Variants in FTCDNL1 observed in about 807,000 individuals in gnomAD.
FTCDNL1 encodes formiminotransferase N-terminal subdomain-containing protein.
In FTCDNL1, 11 loss-of-function variants were observed where a neutral mutation model predicts 5.9. The ratio of observed to expected loss-of-function variants is 1.87; its 90% confidence interval spans 1.18 to 3.10. FTCDNL1 has a LOEUF of 3.10. Ranked by LOEUF, FTCDNL1 falls within the 30% of genes most tolerant of loss-of-function variation. The pLI, the probability that FTCDNL1 is intolerant of heterozygous loss-of-function variation, is 0.00. For missense variants in FTCDNL1, 115 were observed against 65.5 expected, an observed-to-expected ratio of 1.76 and a Z score of -2.61; for synonymous variants, 58 against 24.8, an observed-to-expected ratio of 2.34 and a Z score of -3.99.
the FTCDNL1 span, among the ~76,000 whole-genome samples, chr2:199,753,987 G>A: frequency 5.9e-5 from 9 of 152,210 alleles, no homozygotes; most frequent in South Asian, 1.4e-3. Flanking sequence ...TTTCCTTGGA[G>A]ATATTGCCCC....
chr2:199,677,990 A>G, the FTCDNL1 span, among the ~76,000 whole-genome samples: 7 of 152,338 alleles, frequency 4.6e-5, no homozygotes, highest in East Asian at 1.2e-3. Context: ...GGGCTGCTTA[A>G]ATGAATCCTA....
the FTCDNL1 span, among the ~76,000 whole-genome samples, chr2:199,709,176 T>C: frequency 6.6e-6 from 1 of 152,146 alleles, no homozygotes; most frequent in Non-Finnish European, 1.5e-5. Context: ...AATTTATGCA[T>C]GTTACTCCAT....
the FTCDNL1 span, among the ~76,000 whole-genome samples, chr2:199,708,192 A>G: frequency 6.6e-6 from 1 of 151,856 alleles, no homozygotes; most frequent in Non-Finnish European, 1.5e-5. Context: ...TTTATTCTAC[A>G]TTGTCTAATC....
At chr2:199,733,678 C>T in the FTCDNL1 span, among the ~76,000 whole-genome samples, 2 of 152,188 alleles carry the variant, frequency 1.3e-5, no homozygotes, top group African/African-American at 2.4e-5. Flanking sequence ...CAGGCAAGTT[C>T]TTCCTGCTCC....
chr2:199,713,793 T>G, the FTCDNL1 span, among the ~76,000 whole-genome samples: 1 of 152,344 alleles, frequency 6.6e-6, no homozygotes, highest in Non-Finnish European at 1.5e-5. Flanking sequence ...CTGAACAATA[T>G]GCCTTTCTTC....
At chr2:199,801,305 C>T (rs1483683522) in intron 3 of FTCDNL1, among the ~76,000 whole-genome samples, 1 of 152,110 alleles carries the variant, frequency 6.6e-6, no homozygotes, top group Non-Finnish European at 1.5e-5. Context: ...TGTCCAGAGC[C>T]ACTCCCAGAA....
At chr2:199,720,469 T>C in the FTCDNL1 span, among the ~76,000 whole-genome samples, 1 of 152,170 alleles carries the variant, frequency 6.6e-6, no homozygotes, top group Non-Finnish European at 1.5e-5. Context: ...ACTCTTCTTG[T>C]CTGGAGACCT....
chr2:199,769,892 C>T (rs531719354), intron 3 of FTCDNL1, among the ~76,000 whole-genome samples: 198 of 152,288 alleles, frequency 1.3e-3, no homozygotes, highest in African/African-American at 4.6e-3. Flanking sequence ...CTACAAGGAA[C>T]CTGACTGATT....
At chr2:199,792,978 G>T (rs1700004212) in intron 3 of FTCDNL1, among the ~76,000 whole-genome samples, 1 of 152,014 alleles carries the variant, frequency 6.6e-6, no homozygotes, top group South Asian at 2.1e-4. Context: ...ATAATTTTCT[G>T]ATTTCTATTT....
intron 3 of FTCDNL1, among the ~76,000 whole-genome samples, chr2:199,839,467 G>A (rs1559242492): frequency 6.6e-6 from 1 of 152,170 alleles, no homozygotes. Flanking sequence ...CAGTAAAAGA[G>A]TTCTAATCTC....
the FTCDNL1 span, among the ~76,000 whole-genome samples, chr2:199,696,029 C>G: frequency 6.6e-6 from 1 of 152,218 alleles, no homozygotes; most frequent in Non-Finnish European, 1.5e-5. Flanking sequence ...TGGGGCACTT[C>G]CCAGCAGCCA....
chr2:199,782,130 A>G (rs1311047823), intron 3 of FTCDNL1, among the ~76,000 whole-genome samples: 1 of 152,248 alleles, frequency 6.6e-6, no homozygotes. Flanking sequence ...CACAACTGGC[A>G]CAAGAGCTAC....
downstream of FTCDNL1, among the ~76,000 whole-genome samples, chr2:199,758,311 C>A (rs1698139458): frequency 6.6e-6 from 1 of 151,488 alleles, no homozygotes; most frequent in African/African-American, 2.4e-5. Context: ...AATGAGAAAA[C>A]AAACAAATAA....
the FTCDNL1 span, among the ~76,000 whole-genome samples, chr2:199,689,828 A>AT: frequency 6.6e-6 from 1 of 151,598 alleles, no homozygotes; most frequent in Admixed American, 6.6e-5. Flanking sequence ...AAAAAAAAAA[A>AT]AGAATATAAT....
chr2:199,791,210 T>C (rs1480399556), intron 3 of FTCDNL1, among the ~76,000 whole-genome samples: 1 of 152,104 alleles, frequency 6.6e-6, no homozygotes, highest in Non-Finnish European at 1.5e-5. Context: ...CTGTATATAA[T>C]TGTATGAAAA....
chr2:199,680,627 A>T, the FTCDNL1 span, among the ~76,000 whole-genome samples: 1 of 152,154 alleles, frequency 6.6e-6, no homozygotes, highest in South Asian at 2.1e-4. Context: ...AGAGTAAAAG[A>T]CTGTGATGCA....
At chr2:199,717,918 T>C in the FTCDNL1 span, among the ~76,000 whole-genome samples, 3 of 149,720 alleles carry the variant, frequency 2.0e-5, no homozygotes, top group African/African-American at 7.4e-5. Context: ...ACATGCTACT[T>C]ATGGAATAAC....
chr2:199,715,304 T>C, the FTCDNL1 span, among the ~76,000 whole-genome samples: 1 of 152,134 alleles, frequency 6.6e-6, no homozygotes, highest in Non-Finnish European at 1.5e-5. Flanking sequence ...AATCTCATCT[T>C]GAACTGTGGC....
At chr2:199,741,740 A>C in the FTCDNL1 span, among the ~76,000 whole-genome samples, 1 of 152,188 alleles carries the variant, frequency 6.6e-6, no homozygotes, top group Non-Finnish European at 1.5e-5. Context: ...TTCAAAACCA[A>C]ATCAAAGGTT....
Sources: allele counts gnomAD v4.1 joint callset (sites outside exome capture counted in the v4.1 genomes callset), GRCh38; gene constraint gnomAD v4.1.1; transcripts MANE v1.5; gene names NCBI Gene and HGNC (gene_info 2026-07-23, HGNC 2026-07-21).